Variants in ADHFE1 observed in about 807,000 individuals in gnomAD.
The protein encoded by ADHFE1 is hydroxyacid-oxoacid transhydrogenase, mitochondrial.
ADHFE1 carries 37 observed loss-of-function variants against 54.8 expected under a neutral mutation model. That is an observed-to-expected ratio of 0.68 (90% CI 0.52 to 0.89). The LOEUF (loss-of-function observed/expected upper bound fraction) is 0.89, where lower values mean the gene tolerates loss of function less well. Ranked by LOEUF, ADHFE1 falls within the 40% of genes least tolerant of loss-of-function variation. ADHFE1 has a pLI of 0.00. For synonymous variants in ADHFE1, 203 were observed against 229.3 expected, an observed-to-expected ratio of 0.89 and a Z score of 1.04; for missense variants, 601 against 591.2, an observed-to-expected ratio of 1.02 and a Z score of -0.17.
rs187761686 is a variant in ADHFE1, at chr8:66,454,592, C to A, written c.986+435C>A. 1.2e-4 allele frequency among the ~76,000 whole-genome samples: 18 copies of A among 152,222 alleles called. No homozygotes were observed. In the East Asian group the frequency reaches 3.5e-3, roughly 29 times the overall value. On this transcript the variant is annotated intron_variant, in intron 10 of 13. Transcript: ENST00000396623. ...TAATATATTCACAAAGTTTTGCCAC[C>A]ATCATCAATTTTAGAACATCTTATC... is the stretch of plus-strand genomic sequence containing the variant.
At chr8:66,465,186 C>T (rs562908009) in intron 13 of ADHFE1, among the ~76,000 whole-genome samples, 4 of 152,130 alleles carry the variant, frequency 2.6e-5, no homozygotes, top group African/African-American at 9.7e-5. Flanking sequence ...TATTGGTGTA[C>T]AAGTATCTAT....
chr8:66,468,077 G>T (rs559637880), intron 13 of ADHFE1, among the ~76,000 whole-genome samples, 192 bp from the exon 14 acceptor site: 1 of 152,300 alleles, frequency 6.6e-6, no homozygotes, highest in African/African-American at 2.4e-5. Context: ...GCTCTGTGGG[G>T]AAAGAGGTAT....
chr8:66,452,785 G>T (rs530305274), intron 9 of ADHFE1, among the ~76,000 whole-genome samples: 2 of 152,364 alleles, frequency 1.3e-5, no homozygotes, highest in East Asian at 3.9e-4. Flanking sequence ...TATAGCCATA[G>T]GCTACAGGAG....
chr8:66,437,022 G>A (rs1190707024), intron 1 of ADHFE1, among the ~76,000 whole-genome samples: 1 of 152,128 alleles, frequency 6.6e-6, no homozygotes, highest in Non-Finnish European at 1.5e-5. Flanking sequence ...CTGGGAAGCT[G>A]GTCAGTTGAG....
chr8:66,457,692 T>G (rs1187938377), intron 12 of ADHFE1, among the ~76,000 whole-genome samples: 1 of 152,068 alleles, frequency 6.6e-6, no homozygotes, highest in Non-Finnish European at 1.5e-5. Flanking sequence ...AATATATGAT[T>G]AAAAATGTCA....
At chr8:66,441,190 C>T (rs2718989) in intron 2 of ADHFE1, among the ~76,000 whole-genome samples, 25,036 of 152,136 alleles carry the variant, frequency 0.16, 2,237 homozygotes, top group Middle Eastern at 0.2. Flanking sequence ...TCATTGTTTT[C>T]CAGGATCATA....
chr8:66,465,813 T>C (rs1807146742), intron 13 of ADHFE1, among the ~76,000 whole-genome samples: 1 of 152,046 alleles, frequency 6.6e-6, no homozygotes, highest in Non-Finnish European at 1.5e-5. Context: ...TTGGCCAGGA[T>C]GGTCTCAATC....
At chr8:66,434,768 T>C (rs1284074333) in intron 1 of ADHFE1, among the ~76,000 whole-genome samples, 1 of 152,208 alleles carries the variant, frequency 6.6e-6, no homozygotes, top group African/African-American at 2.4e-5. Context: ...AGGCGTGCAC[T>C]GGCCAGAGAG....
intron 1 of ADHFE1, 149 bp from the exon 2 acceptor site, chr8:66,440,013 A>AT: frequency 2.5e-6 from 2 of 792,882 alleles, no homozygotes; most frequent in East Asian, 2.6e-5. Flanking sequence ...GTCTATATAT[A>AT]TTTTTTCTAT....
At chr8:66,454,228 A>G in intron 10 of ADHFE1, 71 bp downstream of exon 10, 13 of 1,469,134 alleles carry the variant, frequency 8.8e-6, no homozygotes, top group Non-Finnish European at 1.2e-5. Context: ...TTTATAATTC[A>G]GGACAGGTGG....
At position 66,448,880 on chromosome 8, in the gene ADHFE1, C is replaced by G. The variant is rs1441269845; in HGVS notation, c.644C>G (p.Ala215Gly). The G allele has an allele frequency of 6.2e-7, 1 of 1,614,086 alleles. No homozygotes were observed. Among genetic ancestry groups the G allele is most frequent in the East Asian group, 2.2e-5 (1 of 44,880 alleles). The change falls in exon 8 of 14, where the codon GCC becomes GGC. Residue 215 changes from alanine to glycine, a missense_variant. Transcript: ENST00000396623. Reference protein sequence around the residue: ...LKVKIGITSRAIKPTLGLIDP... With the variant: ...LKVKIGITSRGIKPTLGLIDP... ...TATGTTTTAGGCATCACTTCGAGAG[C>G]CATCAAACCCACACTGGGACTGATT... is the stretch of plus-strand genomic sequence containing the variant.
In ADHFE1 at chr8:66,466,933, G is replaced by T. The variant is rs965763618; in HGVS notation, c.1321-1336G>T. ...CTGGGGCAGGAAACAGAGCCAGATC[G>T]GGGTAGCCTTAGAGGCCATGGTTTT... On this transcript the variant is annotated intron_variant, in intron 13 of 13. Transcript: ENST00000396623. Among the ~76,000 whole-genome samples, 6 of 152,340 alleles carry T rather than the reference G, an allele frequency of 3.9e-5. 1 individual carries two copies. In the East Asian group the frequency reaches 9.6e-4, roughly 24 times the overall value.
intron 10 of ADHFE1, among the ~76,000 whole-genome samples, chr8:66,455,398 T>G (rs1244941584): frequency 1.3e-5 from 2 of 152,238 alleles, no homozygotes; most frequent in Non-Finnish European, 2.9e-5. Flanking sequence ...TGATTGAAAC[T>G]TTATTGGTAT....
At chr8:66,460,492 C>A in intron 13 of ADHFE1, 27 bp downstream of exon 13, 1 of 1,545,132 alleles carries the variant, frequency 6.5e-7, no homozygotes, top group African/African-American at 1.4e-5. Flanking sequence ...CTCCTCACTC[C>A]CTGCGAAGGA....
Position 66,439,749 on chromosome 8 carries a change from A to G in ADHFE1, c.60-413A>G, listed in dbSNP as rs772236077. On this transcript the variant is annotated intron_variant, in intron 1 of 13. Coordinates refer to ENST00000396623, the MANE Select transcript of ADHFE1 (RefSeq NM_144650.3). This position sits in a 1 kb window ranked among gnomAD's most constrained non-coding sequence, Gnocchi z 4.4. Reference sequence around the variant, plus strand: ...GAAATATATAAGGCAAGTTCCCAGCATAGGGTAGTAAGTAAGAAGAGGCAC... The same window carrying G: ...GAAATATATAAGGCAAGTTCCCAGCGTAGGGTAGTAAGTAAGAAGAGGCAC... The G allele has an allele frequency of 9.6e-5, 97 of 1,011,398 alleles. No homozygotes were observed. The highest frequency in any genetic ancestry group is 1.1e-4 in the Non-Finnish European group (95 of 846,966). The allele number at this position is 1,011,398 out of a possible 1,614,324, so 62.7% of individuals were successfully genotyped here. A position where few individuals can be genotyped will look rare whatever the true frequency, so the allele number is the denominator to read the frequency against.
At chr8:66,460,548 AG>A in intron 13 of ADHFE1, 83 bp downstream of exon 13, 4 of 1,484,924 alleles carry the variant, frequency 2.7e-6, no homozygotes, top group Non-Finnish European at 2.7e-6. Context: ...GCGGGCTAGC[AG>A]GGATGGAAAC....
intron 6 of ADHFE1, among the ~76,000 whole-genome samples, chr8:66,446,708 A>G (rs950412947): frequency 2.0e-5 from 3 of 152,244 alleles, no homozygotes; most frequent in Admixed American, 2.0e-4. Flanking sequence ...ATGCAGACAC[A>G]TACATGCATA....
chr8:66,457,583 G>A (rs1806655707), intron 12 of ADHFE1, among the ~76,000 whole-genome samples: 1 of 151,990 alleles, frequency 6.6e-6, no homozygotes, highest in Admixed American at 6.6e-5. Flanking sequence ...CTAACACTTT[G>A]GGAGGCTGAG....
intron 13 of ADHFE1, among the ~76,000 whole-genome samples, chr8:66,465,603 A>AT (rs1231354774): frequency 2.6e-5 from 4 of 151,838 alleles, no homozygotes; most frequent in Admixed American, 6.6e-5. Context: ...TGCAAGAATA[A>AT]TTTTTTTCTT....
Sources: allele counts gnomAD v4.1 joint callset (sites outside exome capture counted in the v4.1 genomes callset), GRCh38; gene constraint gnomAD v4.1.1; non-coding constraint Gnocchi (gnomAD v3.1); transcripts MANE v1.5; gene names NCBI Gene and HGNC (gene_info 2026-07-23, HGNC 2026-07-21).